Variants in SAMD3 observed in about 807,000 individuals in gnomAD.
The protein encoded by SAMD3 is sterile alpha motif domain-containing protein 3.
In SAMD3, 63 loss-of-function variants were observed where a neutral mutation model predicts 58.5. That is an observed-to-expected ratio of 1.08 (90% CI 0.88 to 1.33). SAMD3 has a LOEUF of 1.33. Among genes scored for constraint, SAMD3 ranks in the 40% most tolerant of loss-of-function variants. The pLI is 0.00. For synonymous variants in SAMD3, 220 were observed against 210.3 expected (o/e 1.05, Z -0.40); for missense variants, 604 against 608.4 (o/e 0.99, Z 0.08).
At chr6:130,184,391 A>G (rs1315453370) in intron 6 of SAMD3, 47 bp downstream of exon 6, 2 of 1,576,562 alleles carry the variant, frequency 1.3e-6, no homozygotes, top group African/African-American at 2.7e-5. Context: ...CTCTATTCTG[A>G]AACAGACCCT....
At chr6:130,335,476 T>C (rs1777070055) in intron 1 of SAMD3, among the ~76,000 whole-genome samples, 1 of 152,234 alleles carries the variant, frequency 6.6e-6, no homozygotes, top group East Asian at 1.9e-4. Context: ...ACAAGTCAGA[T>C]ACACAATCAT....
chr6:130,240,882 C>T (rs1393230354), intron 2 of SAMD3, among the ~76,000 whole-genome samples: 5 of 152,134 alleles, frequency 3.3e-5, no homozygotes, highest in African/African-American at 4.8e-5. Context: ...TTATAAATTA[C>T]GCAGTCTCAA....
intron 8 of SAMD3, among the ~76,000 whole-genome samples, chr6:130,164,382 CA>C (rs1374515504): frequency 6.6e-6 from 1 of 152,130 alleles, no homozygotes; most frequent in Non-Finnish European, 1.5e-5. Flanking sequence ...CTTATTACAA[CA>C]AATGGCAGTA....
At chr6:130,325,522 ATTCAAATG>A (rs1359143753) in intron 1 of SAMD3, among the ~76,000 whole-genome samples, 2 of 152,160 alleles carry the variant, frequency 1.3e-5, no homozygotes, top group African/African-American at 4.8e-5. Flanking sequence ...CAGTCTACTA[ATTCAAATG>A]TTCATCTCTT....
intron 1 of SAMD3, among the ~76,000 whole-genome samples, chr6:130,348,936 A>T (rs576623353): frequency 5.0e-4 from 76 of 152,018 alleles, no homozygotes; most frequent in South Asian, 2.1e-3. Flanking sequence ...ACTCAAAACC[A>T]CTCAACTACA....
intron 1 of SAMD3, among the ~76,000 whole-genome samples, chr6:130,338,510 A>G (rs1777169267): frequency 6.6e-6 from 1 of 152,174 alleles, no homozygotes; most frequent in African/African-American, 2.4e-5. Flanking sequence ...AACAGCTTGC[A>G]CCATGTGCCT....
chr6:130,349,015 G>A (rs1447313864), intron 1 of SAMD3, among the ~76,000 whole-genome samples: 1 of 152,044 alleles, frequency 6.6e-6, no homozygotes, highest in African/African-American at 2.4e-5. Flanking sequence ...AAATAAAGAT[G>A]TTCTTTGAAA....
intron 2 of SAMD3, among the ~76,000 whole-genome samples, chr6:130,240,445 G>T (rs1325142995): frequency 1.3e-5 from 2 of 152,148 alleles, no homozygotes; most frequent in Admixed American, 6.6e-5. Flanking sequence ...GGGATCAGAG[G>T]CAAAGGAAAA....
At chr6:130,247,717 A>G (rs1773599806) in intron 2 of SAMD3, among the ~76,000 whole-genome samples, 1 of 152,202 alleles carries the variant, frequency 6.6e-6, no homozygotes, top group South Asian at 2.1e-4. Context: ...AATATATCTC[A>G]GGATAATCAT....
At chr6:130,155,556 G>A (rs1485664884) in intron 8 of SAMD3, among the ~76,000 whole-genome samples, 1 of 152,070 alleles carries the variant, frequency 6.6e-6, no homozygotes, top group African/African-American at 2.4e-5. Flanking sequence ...GGGCGGAGTG[G>A]GGGCAGCTAA....
intron 8 of SAMD3, among the ~76,000 whole-genome samples, chr6:130,159,164 G>A (rs538844854): frequency 2.6e-5 from 4 of 152,194 alleles, no homozygotes; most frequent in Admixed American, 1.3e-4. Flanking sequence ...GAATCATGGG[G>A]GCAAGTCTTT....
chr6:130,302,128 C>A (rs1204345696), intron 2 of SAMD3, among the ~76,000 whole-genome samples: 1 of 152,010 alleles, frequency 6.6e-6, no homozygotes, highest in East Asian at 1.9e-4. Flanking sequence ...AAACAATAAA[C>A]AAACAAACAC....
At chr6:130,355,181 TG>T (rs1387902235) in intron 1 of SAMD3, among the ~76,000 whole-genome samples, 2 of 152,150 alleles carry the variant, frequency 1.3e-5, no homozygotes, top group East Asian at 1.9e-4. Context: ...CCTAGCACTT[TG>T]GGAGGCCAAG....
rs1026296950 is a variant in SAMD3, at chr6:130,297,885, T to C, written c.-188+15093A>G. ...AAAGCCTTAGAGAAATATAGGATTA[T>C]GTAAAGTGACCAAATTTACTGACAT... is the stretch of plus-strand genomic sequence containing the variant. On this transcript the variant is annotated intron_variant, in intron 2 of 13. Transcript: ENST00000368134. 2.6e-5 allele frequency among the ~76,000 whole-genome samples: 4 copies of C among 152,294 alleles called. No homozygotes were observed. The East Asian group carries it at 5.8e-4, about 22-fold the overall frequency.
intron 8 of SAMD3, among the ~76,000 whole-genome samples, chr6:130,157,887 G>C (rs1789931958): frequency 6.6e-6 from 1 of 150,980 alleles, no homozygotes; most frequent in African/African-American, 2.4e-5. Flanking sequence ...CTGAATACAA[G>C]ATAAATATTC....
At chr6:130,182,566 G>C (rs1792465252) in intron 7 of SAMD3, among the ~76,000 whole-genome samples, 1 of 149,898 alleles carries the variant, frequency 6.7e-6, no homozygotes, top group East Asian at 2.0e-4. Context: ...AAGGGAGGGA[G>C]AGAGGGAGGG....
At chr6:130,304,926 C>CTTTTTTT (rs777084920) in intron 2 of SAMD3, among the ~76,000 whole-genome samples, 1 of 103,376 alleles carries the variant, frequency 9.7e-6, no homozygotes, top group Non-Finnish European at 1.9e-5. Context: ...CATTTTCTTC[C>CTTTTTTT]TTTTTTTTTT....
chr6:130,292,819 T>G (rs1037846850), intron 2 of SAMD3, among the ~76,000 whole-genome samples: 1 of 151,340 alleles, frequency 6.6e-6, no homozygotes, highest in Admixed American at 6.6e-5. Context: ...GGGGTTTCAC[T>G]GTGTTAGCCA....
intron 5 of SAMD3, among the ~76,000 whole-genome samples, chr6:130,188,902 T>C (rs989479344): frequency 2.0e-5 from 3 of 152,094 alleles, no homozygotes; most frequent in African/African-American, 7.2e-5. Context: ...GCCCCCTTAA[T>C]CCTCTGTATT....
Sources: allele counts gnomAD v4.1 joint callset (sites outside exome capture counted in the v4.1 genomes callset), GRCh38; gene constraint gnomAD v4.1.1; transcripts MANE v1.5; gene names NCBI Gene and HGNC (gene_info 2026-07-23, HGNC 2026-07-21).